Variants in DYSF observed in about 807,000 individuals in gnomAD.
The protein encoded by DYSF is dysferlin, also known as dystrophy-associated fer-1-like 1.
In DYSF, 212 loss-of-function variants were observed where a neutral mutation model predicts 274.9. The observed-to-expected ratio is 0.77, with a 90% confidence interval of 0.69 to 0.86. The LOEUF (loss-of-function observed/expected upper bound fraction) is 0.86, where lower values mean the gene tolerates loss of function less well. Among genes scored for constraint, DYSF ranks in the 40% least tolerant of loss-of-function variants. DYSF has a pLI of 0.00. For synonymous variants in DYSF, 1,091 were observed against 1,078.7 expected (o/e 1.01, Z -0.22); for missense variants, 2,666 against 2,783.2 (o/e 0.96, Z 0.95).
chr2:71,526,415 C>CTTGGGGGGGG, intron 13 of DYSF, 69 bp downstream of exon 13: 2 of 411,246 alleles, frequency 4.9e-6, no homozygotes, highest in Non-Finnish European at 7.8e-6. Flanking sequence ...TGGGGGTGGG[C>CTTGGGGGGGG]GATGGCGGGC....
chr2:71,530,676 T>G (rs747316693), intron 14 of DYSF, among the ~76,000 whole-genome samples: 6 of 152,168 alleles, frequency 3.9e-5, no homozygotes, highest in Non-Finnish European at 8.8e-5. Flanking sequence ...CTTGAAAGTT[T>G]CAACCTGGCC....
chr2:71,482,602 C>G (rs115642651), intron 3 of DYSF, among the ~76,000 whole-genome samples: 4,402 of 152,106 alleles, frequency 0.029, 101 homozygotes, highest in East Asian at 0.056. Context: ...GGCGATGAAT[C>G]CCTTCTCTTG....
At chr2:71,574,111 G>A (rs2092616802) in intron 29 of DYSF, 87 bp from the exon 30 acceptor site, 3 of 1,535,236 alleles carry the variant, frequency 2.0e-6, no homozygotes, top group East Asian at 4.5e-5. Flanking sequence ...AGTTGTCATG[G>A]AAGACAGGAA....
Position 71,476,838 on chromosome 2 carries a change from T to C in DYSF, c.92-4045T>C, listed in dbSNP as rs11687985. Among the ~76,000 whole-genome samples the C allele has an allele frequency of 6.8e-3, 993 of 145,474 alleles. 2 individuals are homozygous for C. The highest frequency in any genetic ancestry group is 8.3e-3 in the Non-Finnish European group (555 of 66,478). Reference sequence around the variant, plus strand: ...GAACTAGCTGCTTTTTTTTTTTTTTTCCATGGAATACTGTTTTTACTTTAA... The same window carrying C: ...GAACTAGCTGCTTTTTTTTTTTTTTCCCATGGAATACTGTTTTTACTTTAA... On this transcript the variant is annotated intron_variant, in intron 1 of 55. Coordinates refer to ENST00000410020, the MANE Select transcript of DYSF (RefSeq NM_001130987.2).
intron 12 of DYSF, among the ~76,000 whole-genome samples, chr2:71,523,409 G>T (rs1288710633): frequency 6.6e-6 from 1 of 152,142 alleles, no homozygotes; most frequent in Non-Finnish European, 1.5e-5. Flanking sequence ...AAAATTGAGG[G>T]TTTGTTAGGG....
intron 22 of DYSF, among the ~76,000 whole-genome samples, chr2:71,560,988 C>G (rs2091713673): frequency 6.6e-6 from 1 of 152,182 alleles, no homozygotes; most frequent in South Asian, 2.1e-4. Context: ...GGTACCGACC[C>G]CTGGCCTTGG....
At position 71,511,823 on chromosome 2, in the gene DYSF, A is replaced by T; in HGVS notation, c.362A>T (p.Gln121Leu). 6.4e-7 allele frequency: 1 copy of T among 1,551,130 alleles called. No individual in the cohort carries two copies. The highest frequency in any genetic ancestry group is 8.7e-7 in the Non-Finnish European group (1 of 1,146,532). ...KQPTGASLVL[Q>L]VSYTPLPGAV... The stretch of plus-strand genomic sequence containing the variant: ...CTCTTCCAGGCCTCGCTGGTCCTGC[A>T]GGTGTCCTACACACCGCTGCCTGGA... Residue 121 changes from glutamine (Q) to leucine (L), a missense_variant, in exon 5 of 56, where the codon CAG (glutamine) becomes CTG (leucine). Around this residue, in one of 3 missense-constraint regions of DYSF, gnomAD observed 794 missense variants for 777.1 expected, o/e 1.02. Coordinates refer to ENST00000410020, the MANE Select transcript of DYSF (RefSeq NM_001130987.2).
At chr2:71,638,616 CA>C (rs1234254931) in intron 41 of DYSF, among the ~76,000 whole-genome samples, 1 of 152,158 alleles carries the variant, frequency 6.6e-6, no homozygotes. Flanking sequence ...TTTCACTTAG[CA>C]TAAGGTTTTC....
intron 1 of DYSF, among the ~76,000 whole-genome samples, chr2:71,470,005 A>G (rs566956308): frequency 6.6e-6 from 1 of 152,316 alleles, no homozygotes; most frequent in South Asian, 2.1e-4. Context: ...GGATGCATAC[A>G]AGAACAAAAC....
At chr2:71,554,023 C>T (rs968473034) in intron 21 of DYSF, 92 bp downstream of exon 21, 61 of 1,564,470 alleles carry the variant, frequency 3.9e-5, no homozygotes, top group Non-Finnish European at 5.0e-5. Flanking sequence ...CCCACTGGTG[C>T]ACACACTGAC....
chr2:71,566,127 G>C (rs961997376), intron 24 of DYSF, among the ~76,000 whole-genome samples: 18 of 151,808 alleles, frequency 1.2e-4, no homozygotes, highest in Admixed American at 3.3e-4. Flanking sequence ...TACCTCCTAA[G>C]CCAGTTCCTG....
At chr2:71,489,949 T>C (rs1474530951) in intron 3 of DYSF, among the ~76,000 whole-genome samples, 1 of 152,172 alleles carries the variant, frequency 6.6e-6, no homozygotes, top group Non-Finnish European at 1.5e-5. Flanking sequence ...CTGTGAAATT[T>C]AAATAATATA....
rs184957091 is a variant in DYSF at position 71,461,167 on chromosome 2, T to C, written c.88+7081T>C. On this transcript the variant is annotated intron_variant, in intron 1 of 54. Coordinates refer to the DYSF transcript ENST00000258104. ...AGACAGACTTGGTCTCTCCCCTCGT[T>C]GACCAACTCCACAGTCTAGCTAGAC... Among the ~76,000 whole-genome samples the C allele has an allele frequency of 6.0e-3, 913 of 152,236 alleles. 8 individuals carry two copies. Among genetic ancestry groups the C allele is most frequent in the African/African-American group, 0.021 (864 of 41,534 alleles).
In DYSF at chr2:71,470,673, C is replaced by CAAA. The variant is rs776955310; in HGVS notation, c.91+3758_91+3760dup. Among the ~76,000 whole-genome samples, 5 of 57,704 alleles carry CAAA rather than the reference C, an allele frequency of 8.7e-5. 1 individual carries two copies. Among genetic ancestry groups the CAAA allele is most frequent in the African/African-American group, 4.1e-4 (5 of 12,216 alleles). 37.9% of individuals were successfully genotyped at this position (57,704 alleles called of 152,430 possible). On this transcript the variant is annotated intron_variant, in intron 1 of 55. Coordinates refer to ENST00000410020, the MANE Select transcript of DYSF (RefSeq NM_001130987.2). The stretch of plus-strand genomic sequence containing the variant: ...TGGGTGACAGAGTGAGACTCCATCT[C>CAAA]AAAAAAAAAAAAAAAAAAAAGAAAA...
At chr2:71,519,711 C>T (rs2087028286) in intron 10 of DYSF, among the ~76,000 whole-genome samples, 2 of 151,330 alleles carry the variant, frequency 1.3e-5, no homozygotes, top group Admixed American at 1.3e-4. Context: ...ATGGCATGAT[C>T]TCGGCTCACT....
At chr2:71,681,672 G>A (rs1221580300) in intron 54 of DYSF, among the ~76,000 whole-genome samples, 1 of 152,218 alleles carries the variant, frequency 6.6e-6, no homozygotes, top group African/African-American at 2.4e-5. Context: ...AGACCTCTTG[G>A]GGAGATAGAC....
rs1427806637 is a variant in DYSF at position 71,454,096 on chromosome 2, G to A, written c.88+10G>A. ...TCCGCGGTGTTTGCAGGTAGGAGGG[G>A]CCGACCACCCTCGCCCGGGGTCGGG... is the stretch of plus-strand genomic sequence containing the variant. On this transcript the variant is annotated intron_variant, in intron 1 of 54. Transcript: ENST00000258104. 6.2e-7 allele frequency: 1 copy of A among 1,613,102 alleles called. No individual in the cohort carries two copies. The highest frequency in any genetic ancestry group is 1.1e-5 in the South Asian group (1 of 90,934).
chr2:71,457,411 C>G (rs1371497168), intron 1 of DYSF, among the ~76,000 whole-genome samples: 3 of 152,086 alleles, frequency 2.0e-5, no homozygotes, highest in Non-Finnish European at 4.4e-5. Context: ...CTCCTGAGCC[C>G]CCACAATATC....
intron 30 of DYSF, among the ~76,000 whole-genome samples, chr2:71,578,768 C>T (rs2092794201): frequency 6.6e-6 from 1 of 152,076 alleles, no homozygotes; most frequent in African/African-American, 2.4e-5. Flanking sequence ...GCGAGCTGGG[C>T]CTTGCCTGCC....
Sources: gnomAD v4.1 joint callset for allele counts (sites outside exome capture counted in the v4.1 genomes callset) on GRCh38, gnomAD v4.1.1 for gene constraint, gnomAD v4.1.1 regional missense constraint, MANE v1.5 for transcripts, NCBI Gene and HGNC (gene_info 2026-07-23, HGNC 2026-07-21) for gene names.